Variants in SAMD4A observed in about 807,000 individuals in gnomAD.
The protein encoded by SAMD4A is sterile alpha motif domain containing 4A.
SAMD4A carries 33 observed loss-of-function variants against 81.3 expected under a neutral mutation model. The ratio of observed to expected loss-of-function variants is 0.41; its 90% CI spans 0.31 to 0.54. The LOEUF is 0.54. Among genes scored for constraint, SAMD4A ranks in the 20% least tolerant of loss-of-function variants. The pLI, the probability that SAMD4A is intolerant of heterozygous loss-of-function variation, is 0.37. For missense variants in SAMD4A, 854 were observed against 951.1 expected, an observed-to-expected ratio of 0.90 and a Z score of 1.34; for synonymous variants, 389 against 382.1, an observed-to-expected ratio of 1.02 and a Z score of -0.21.
At chr14:54,748,061 C>A (rs2038010141) in intron 4 of SAMD4A, among the ~76,000 whole-genome samples, 3 of 152,204 alleles carry the variant, frequency 2.0e-5, no homozygotes, top group South Asian at 4.1e-4. Flanking sequence ...CCTAGCCAAT[C>A]TTTGGGCCTT....
chr14:54,780,508 C>T (rs2038973242), intron 11 of SAMD4A, among the ~76,000 whole-genome samples: 2 of 152,188 alleles, frequency 1.3e-5, no homozygotes, highest in South Asian at 4.1e-4. Context: ...AGGCAGAAAC[C>T]AGAACAGGGA....
At chr14:54,644,539 T>G (rs772496395) in intron 2 of SAMD4A, among the ~76,000 whole-genome samples, 10 of 152,182 alleles carry the variant, frequency 6.6e-5, no homozygotes, top group Non-Finnish European at 1.2e-4. Context: ...AGAGGCTACA[T>G]GCAATTAGTC....
intron 2 of SAMD4A, among the ~76,000 whole-genome samples, chr14:54,687,689 C>T (rs9646154): frequency 0.33 from 50,285 of 152,012 alleles, 9,947 homozygotes; most frequent in Non-Finnish European, 0.44. Context: ...CACGGTGGCA[C>T]CAGGGCATTA....
intron 3 of SAMD4A, among the ~76,000 whole-genome samples, chr14:54,718,071 A>G (rs1566601625): frequency 3.3e-5 from 5 of 152,074 alleles, no homozygotes; most frequent in East Asian, 3.9e-4. Flanking sequence ...CTCAATCTAT[A>G]TGCAATTCAG....
chr14:54,726,297 G>C (rs1411228285), intron 3 of SAMD4A, among the ~76,000 whole-genome samples: 1 of 151,990 alleles, frequency 6.6e-6, no homozygotes, highest in Non-Finnish European at 1.5e-5. Context: ...TATTTTTCTG[G>C]GGAGTCTTTA....
intron 2 of SAMD4A, among the ~76,000 whole-genome samples, chr14:54,577,464 T>C (rs1159462243): frequency 6.6e-6 from 1 of 152,226 alleles, no homozygotes; most frequent in African/African-American, 2.4e-5. Context: ...GATCAAAATA[T>C]TTGAATGTAA....
chr14:54,784,803 A>G (rs187986676), intron 12 of SAMD4A, among the ~76,000 whole-genome samples, 183 bp downstream of exon 12: 1 of 152,130 alleles, frequency 6.6e-6, no homozygotes, highest in East Asian at 1.9e-4. Flanking sequence ...CAGCGGCACC[A>G]TGCCAAGTGG....
intron 2 of SAMD4A, among the ~76,000 whole-genome samples, chr14:54,628,192 C>T (rs923216931): frequency 2.0e-5 from 3 of 151,902 alleles, no homozygotes; most frequent in Admixed American, 6.6e-5. Flanking sequence ...CAAGTCAGGC[C>T]GAGATCAAAA....
intron 2 of SAMD4A, among the ~76,000 whole-genome samples, chr14:54,649,494 T>C (rs1189380558): frequency 6.6e-6 from 1 of 152,184 alleles, no homozygotes; most frequent in Non-Finnish European, 1.5e-5. Context: ...CTTAGAGGCT[T>C]TGGGAACAAG....
chr14:54,650,186 C>A (rs2035373714), intron 2 of SAMD4A, among the ~76,000 whole-genome samples: 1 of 152,152 alleles, frequency 6.6e-6, no homozygotes, highest in African/African-American at 2.4e-5. Flanking sequence ...AACTTGTTGG[C>A]AATTCTGATA....
chr14:54,567,782 C>A lies in SAMD4A; in HGVS notation c.-135C>A. ...GCAGGAGCCCAGGCAGTACCTGCAG[C>A]GTCCGGGCACCAGAGCCACCTTGGA... On this transcript the variant is annotated 5_prime_UTR_variant, in exon 2 of 13. Transcript: ENST00000554335. 1.2e-6 allele frequency: 1 copy of A among 823,524 alleles called. No homozygotes were observed. Among genetic ancestry groups the A allele is most frequent in the Admixed American group, 3.0e-5 (1 of 33,124 alleles). 51.0% of individuals were successfully genotyped at this position (823,524 alleles called of 1,614,324 possible).
intron 4 of SAMD4A, among the ~76,000 whole-genome samples, chr14:54,738,746 C>G (rs1179874733): frequency 1.3e-5 from 2 of 152,216 alleles, no homozygotes; most frequent in Non-Finnish European, 2.9e-5. Context: ...TGTAGGTAGA[C>G]TGGCTTGGCA....
intron 2 of SAMD4A, among the ~76,000 whole-genome samples, chr14:54,690,311 A>T (rs2036399534): frequency 6.6e-6 from 1 of 152,168 alleles, no homozygotes; most frequent in African/African-American, 2.4e-5. Flanking sequence ...GAGGGTTCAG[A>T]TGTGTCCAAG....
At chr14:54,762,722 C>G (rs1307818841) in intron 7 of SAMD4A, among the ~76,000 whole-genome samples, 2 of 152,226 alleles carry the variant, frequency 1.3e-5, no homozygotes, top group Non-Finnish European at 2.9e-5. Context: ...TTCAAATTAA[C>G]AACATGGTGG....
intron 11 of SAMD4A, 155 bp from the exon 12 acceptor site, chr14:54,784,382 G>C (rs1286327842): frequency 6.4e-7 from 1 of 1,572,062 alleles, no homozygotes; most frequent in Admixed American, 1.9e-5. Context: ...GACCTTAGAG[G>C]TTGGTTGAGC....
At chr14:54,606,790 G>T (rs963298507) in intron 2 of SAMD4A, among the ~76,000 whole-genome samples, 1 of 152,192 alleles carries the variant, frequency 6.6e-6, no homozygotes, top group African/African-American at 2.4e-5. Context: ...CTTTAGTTTG[G>T]TGGCTGAAAA....
chr14:54,717,413 C>T (rs896836643), intron 3 of SAMD4A, among the ~76,000 whole-genome samples: 1 of 150,692 alleles, frequency 6.6e-6, no homozygotes, highest in Non-Finnish European at 1.5e-5. Flanking sequence ...TGCACTCCAG[C>T]CTGGACTACA....
intron 2 of SAMD4A, among the ~76,000 whole-genome samples, chr14:54,653,971 G>A (rs2035463530): frequency 6.6e-6 from 1 of 152,160 alleles, no homozygotes; most frequent in African/African-American, 2.4e-5. Context: ...ATACCATTCG[G>A]TATGAAAGTA....
At chr14:54,602,371 C>CACACAG (rs2034077751) in intron 2 of SAMD4A, among the ~76,000 whole-genome samples, 1 of 133,054 alleles carries the variant, frequency 7.5e-6, no homozygotes, top group African/African-American at 2.9e-5. Flanking sequence ...CACACACACA[C>CACACAG]ACACGAAACA....
Sources: gnomAD v4.1 joint callset for allele counts (sites outside exome capture counted in the v4.1 genomes callset) on GRCh38, gnomAD v4.1.1 for gene constraint, MANE v1.5 for transcripts, NCBI Gene and HGNC (gene_info 2026-07-23, HGNC 2026-07-21) for gene names.